MEIG1: variants seen among roughly 807,000 people sequenced by gnomAD.
The protein encoded by MEIG1 is meiosis expressed gene 1 protein homolog.
Under a neutral mutation model 11.3 loss-of-function variants are expected in MEIG1, and 12 were observed. The observed-to-expected ratio is 1.07, with a 90% CI of 0.68 to 1.73. The LOEUF (loss-of-function observed/expected upper bound fraction) is 1.73, where lower values mean the gene tolerates loss of function less well. Ranked by LOEUF, MEIG1 falls within the 40% of genes most tolerant of loss-of-function variation. MEIG1 has a pLI of 0.00. For missense variants in MEIG1, 119 were observed against 104.9 expected (o/e 1.13, Z -0.59); for synonymous variants, 41 against 33.2 (o/e 1.24, Z -0.81).
intron 2 of MEIG1, among the ~76,000 whole-genome samples, chr10:14,968,010 A>G (rs1448443132): frequency 2.0e-5 from 3 of 152,212 alleles, no homozygotes; most frequent in Non-Finnish European, 4.4e-5. Flanking sequence ...ATGACATAGT[A>G]TTCATAAATA....
At chr10:14,975,292 T>C (rs189785995), downstream of MEIG1, among the ~76,000 whole-genome samples, 387 of 152,134 alleles carry the variant, frequency 2.5e-3, 1 homozygote, top group African/African-American at 8.6e-3. Context: ...TTGTTCCTAG[T>C]AGCCAGGAAG....
At chr10:14,966,164 A>C (rs1843081291) in intron 1 of MEIG1, among the ~76,000 whole-genome samples, 1 of 147,270 alleles carries the variant, frequency 6.8e-6, no homozygotes, top group Non-Finnish European at 1.5e-5. Context: ...CCTGGGTTCA[A>C]GCCATTCTCC....
intron 1 of MEIG1, among the ~76,000 whole-genome samples, chr10:14,960,019 A>C (rs1842994085): frequency 6.6e-6 from 1 of 152,076 alleles, no homozygotes; most frequent in Admixed American, 6.6e-5. Context: ...GCAGGTCAGC[A>C]CTCCCAGAGC....
At chr10:14,966,400 C>G in intron 1 of MEIG1, 40 bp from the exon 2 acceptor site, 1 of 1,421,102 alleles carries the variant, frequency 7.0e-7, no homozygotes, top group Non-Finnish European at 9.5e-7. Context: ...AAAATTGTCA[C>G]TATTACATTA....
chr10:14,965,095 T>C (rs1465883658), intron 1 of MEIG1, among the ~76,000 whole-genome samples: 1 of 87,232 alleles, frequency 1.1e-5, no homozygotes, highest in African/African-American at 3.7e-5. Context: ...TTCCCTGTTA[T>C]ACCTTTAATG....
In MEIG1 at chr10:14,979,121, A is replaced by T. The variant is rs899939498; in HGVS notation, n.66+6501A>T. On this transcript the variant is annotated intron_variant and non_coding_transcript_variant, in intron 1 of 2. Coordinates refer to the MEIG1 transcript ENST00000467536. Reference sequence around the variant, plus strand: ...TCATGGGTCATTCCTCCTATGTCACATGGGGTGTACTCCCTGTGATATTAT... The same window carrying T: ...TCATGGGTCATTCCTCCTATGTCACTTGGGGTGTACTCCCTGTGATATTAT... 7.6e-4 allele frequency among the ~76,000 whole-genome samples: 115 copies of T among 152,104 alleles called. 1 individual carries two copies. Among genetic ancestry groups the T allele is most frequent in the African/African-American group, 2.6e-3 (106 of 41,480 alleles).
At chr10:14,981,167 C>A (rs1228127696) in intron 1 of MEIG1, among the ~76,000 whole-genome samples, 5 of 150,176 alleles carry the variant, frequency 3.3e-5, no homozygotes, top group Non-Finnish European at 7.4e-5. Context: ...TCTTAACTGG[C>A]CAACTCTGGA....
chr10:14,978,708 T>C (rs1843235016), intron 1 of MEIG1, among the ~76,000 whole-genome samples: 2 of 151,974 alleles, frequency 1.3e-5, no homozygotes, highest in Non-Finnish European at 2.9e-5. Flanking sequence ...ATATTAGCCG[T>C]GATATCCTAA....
intron 1 of MEIG1, among the ~76,000 whole-genome samples, chr10:14,980,711 C>T (rs572655962): frequency 2.0e-5 from 3 of 152,114 alleles, no homozygotes; most frequent in Non-Finnish European, 2.9e-5. Flanking sequence ...CTCGAGCCAA[C>T]GCCTCACCGA....
intron 2 of MEIG1, among the ~76,000 whole-genome samples, chr10:14,971,686 G>A (rs919816093): frequency 1.3e-5 from 2 of 152,212 alleles, no homozygotes; most frequent in African/African-American, 4.8e-5. Flanking sequence ...AATGGAGCCT[G>A]GGCTTAGCCC....
At chr10:14,976,046 G>A (rs1309658364), downstream of MEIG1, among the ~76,000 whole-genome samples, 2 of 152,150 alleles carry the variant, frequency 1.3e-5, no homozygotes, top group Admixed American at 6.5e-5. Flanking sequence ...AATATCCAGG[G>A]GGGGACCGGG....
intron 2 of MEIG1, among the ~76,000 whole-genome samples, chr10:14,969,605 C>T (rs986046438): frequency 2.0e-5 from 3 of 152,106 alleles, no homozygotes; most frequent in African/African-American, 4.8e-5. Context: ...GAGGCAGAGG[C>T]GGGCCGTTCA....
intron 1 of MEIG1, among the ~76,000 whole-genome samples, chr10:14,978,374 C>T (rs191384321): frequency 6.6e-6 from 1 of 152,054 alleles, no homozygotes; most frequent in Admixed American, 6.5e-5. Context: ...ATTGTCCACA[C>T]TGTGATATTA....
intron 1 of MEIG1, among the ~76,000 whole-genome samples, chr10:14,985,416 T>C (rs555437490): frequency 6.6e-6 from 1 of 152,190 alleles, no homozygotes; most frequent in Admixed American, 6.5e-5. Context: ...ATCGGTTATA[T>C]CCTTGGGGGT....
chr10:14,958,861 A>C (rs1842977673), upstream of MEIG1, among the ~76,000 whole-genome samples: 1 of 152,120 alleles, frequency 6.6e-6, no homozygotes, highest in Non-Finnish European at 1.5e-5. Context: ...GCACCACTGC[A>C]CTCCAGCCTG....
intron 2 of MEIG1, among the ~76,000 whole-genome samples, chr10:14,966,810 G>A (rs117706125): frequency 0.01 from 1,538 of 151,908 alleles, 9 homozygotes; most frequent in Middle Eastern, 0.017. Flanking sequence ...ACGCAATCTC[G>A]GCACACTCCA....
intron 1 of MEIG1, among the ~76,000 whole-genome samples, chr10:14,984,025 C>T (rs1234834625): frequency 6.6e-6 from 1 of 151,984 alleles, no homozygotes; most frequent in Non-Finnish European, 1.5e-5. Flanking sequence ...TCTTAATATC[C>T]AGGGGCAAGA....
chr10:14,964,591 A>T (rs61845581), intron 1 of MEIG1, among the ~76,000 whole-genome samples: 1 of 103,778 alleles, frequency 9.6e-6, no homozygotes, highest in Non-Finnish European at 1.7e-5. Flanking sequence ...GTGTGTATAT[A>T]TATATATATA....
chr10:14,981,837 G>GC lies in MEIG1; in HGVS notation n.67-4953dup, dbSNP rs559231678. Among the ~76,000 whole-genome samples the GC allele has an allele frequency of 1.9e-3, 296 of 152,274 alleles. 1 individual carries two copies. The highest frequency in any genetic ancestry group is 6.9e-3 in the African/African-American group (287 of 41,572). On this transcript the variant is annotated intron_variant and non_coding_transcript_variant, in intron 1 of 2. Transcript: ENST00000467536. ...AGCCAAGCTGAGTTTCTTTCCCAGGGCCCCCCTTCCCTTGCTTCTTTGGGG... is the reference window on the plus strand; with the variant it reads ...AGCCAAGCTGAGTTTCTTTCCCAGGGCCCCCCCTTCCCTTGCTTCTTTGGGG...
Sources: gnomAD v4.1 joint callset for allele counts (sites outside exome capture counted in the v4.1 genomes callset) on GRCh38, gnomAD v4.1.1 for gene constraint, MANE v1.5 for transcripts, NCBI Gene and HGNC (gene_info 2026-07-23, HGNC 2026-07-21) for gene names.